KCTD8: variants seen among roughly 807,000 people sequenced by gnomAD.
The protein encoded by KCTD8 is potassium channel tetramerization domain containing 8.
KCTD8 carries 27 observed loss-of-function variants against 31.5 expected under a neutral mutation model. That is an observed-to-expected ratio of 0.86 (90% CI 0.63 to 1.18). The LOEUF (loss-of-function observed/expected upper bound fraction) is 1.18, where lower values mean the gene tolerates loss of function less well. KCTD8 is among the 50% of genes most tolerant of loss of function. The probability of loss-of-function intolerance (pLI) is 0.00; values close to 1 mark genes in which losing one functional copy is unlikely to be tolerated. For missense variants in KCTD8, 658 were observed against 647.7 expected (o/e 1.02, Z -0.17); for synonymous variants, 290 against 280.0 (o/e 1.04, Z -0.36).
intron 1 of KCTD8, among the ~76,000 whole-genome samples, chr4:44,216,055 T>C (rs1290098232): frequency 2.0e-5 from 3 of 152,170 alleles, no homozygotes; most frequent in Admixed American, 2.0e-4. Context: ...AGTAGCATAG[T>C]AGCAGGAAAT....
intron 1 of KCTD8, among the ~76,000 whole-genome samples, chr4:44,347,082 A>G (rs1719054922): frequency 6.6e-6 from 1 of 152,166 alleles, no homozygotes; most frequent in African/African-American, 2.4e-5. Flanking sequence ...TGGGGGTGTA[A>G]GCAGAGACTG....
intron 1 of KCTD8, among the ~76,000 whole-genome samples, chr4:44,236,276 T>C (rs1350585080): frequency 1.3e-5 from 2 of 152,114 alleles, no homozygotes; most frequent in Non-Finnish European, 2.9e-5. Flanking sequence ...AAATGGAGCA[T>C]AGTTGATATT....
At chr4:44,423,770 T>TA (rs5857957) in intron 1 of KCTD8, among the ~76,000 whole-genome samples, 1 of 151,968 alleles carries the variant, frequency 6.6e-6, no homozygotes, top group Non-Finnish European at 1.5e-5. Context: ...TCTTAAAACA[T>TA]AAAAAAAGAA....
At chr4:44,281,984 T>C (rs1203898213) in intron 1 of KCTD8, among the ~76,000 whole-genome samples, 1 of 152,086 alleles carries the variant, frequency 6.6e-6, no homozygotes, top group Non-Finnish European at 1.5e-5. Flanking sequence ...TGTTAATAAA[T>C]ATTCTAAAAT....
At chr4:44,182,650 C>G (rs752883579) in intron 1 of KCTD8, among the ~76,000 whole-genome samples, 1 of 152,130 alleles carries the variant, frequency 6.6e-6, no homozygotes, top group East Asian at 1.9e-4. Flanking sequence ...ACAAACACTG[C>G]GGAAGGCCAC....
chr4:44,301,476 A>G (rs2109392669), intron 1 of KCTD8, among the ~76,000 whole-genome samples: 1 of 152,306 alleles, frequency 6.6e-6, no homozygotes, highest in Middle Eastern at 3.4e-3. Context: ...AGTGATGATG[A>G]GCATTTTTTC....
rs1052153831 is a variant in KCTD8 at position 44,447,798 on chromosome 4, C to A, written c.726G>T (p.Ala242=). ...VARIMVCGRI[A]LAKEVFGDTL... ...TGTCCCCGAAGACCTCCTTGGCCAG[C>A]GCGATGCGCCCGCACACCATGATGC... The change falls in exon 1 of 2, where the codon GCG becomes GCT. Residue 242 remains alanine (A), a synonymous_variant. Coordinates refer to ENST00000360029, the MANE Select transcript of KCTD8 (RefSeq NM_198353.3). 6.2e-7 allele frequency: 1 copy of A among 1,605,986 alleles called. No homozygotes were observed.
intron 1 of KCTD8, among the ~76,000 whole-genome samples, chr4:44,322,248 C>T (rs78440288): frequency 6.6e-6 from 1 of 151,988 alleles, no homozygotes; most frequent in Admixed American, 6.6e-5. Context: ...TCTCCACATC[C>T]TTGCTAGCAT....
chr4:44,210,517 T>G (rs2109343336), intron 1 of KCTD8, among the ~76,000 whole-genome samples: 1 of 152,326 alleles, frequency 6.6e-6, no homozygotes. Flanking sequence ...TTCATTCTTT[T>G]TGTCTGCCTC....
At chr4:44,207,726 T>C (rs1315607563) in intron 1 of KCTD8, among the ~76,000 whole-genome samples, 1 of 152,218 alleles carries the variant, frequency 6.6e-6, no homozygotes, top group Non-Finnish European at 1.5e-5. Flanking sequence ...TGGGGAACCC[T>C]GCCAGTATAT....
At chr4:44,246,494 C>A (rs1196477660) in intron 1 of KCTD8, among the ~76,000 whole-genome samples, 1 of 151,972 alleles carries the variant, frequency 6.6e-6, no homozygotes, top group South Asian at 2.1e-4. Context: ...TATCCTCTTT[C>A]AAGATAAAGG....
chr4:44,271,956 C>T (rs890046076), intron 1 of KCTD8, among the ~76,000 whole-genome samples: 13 of 151,852 alleles, frequency 8.6e-5, no homozygotes, highest in Non-Finnish European at 1.2e-4. Flanking sequence ...GTTAGGGTCT[C>T]CCCAACCAAG....
chr4:44,412,995 C>A (rs1577661447), intron 1 of KCTD8, among the ~76,000 whole-genome samples: 1 of 152,020 alleles, frequency 6.6e-6, no homozygotes, highest in African/African-American at 2.4e-5. Context: ...CAATTCAGGA[C>A]CTGTGAGATG....
intron 1 of KCTD8, among the ~76,000 whole-genome samples, chr4:44,440,532 C>T (rs1403071414): frequency 1.3e-5 from 2 of 152,094 alleles, no homozygotes; most frequent in African/African-American, 4.8e-5. Flanking sequence ...ATGTCTTACC[C>T]ACGCTTTAGC....
intron 1 of KCTD8, among the ~76,000 whole-genome samples, chr4:44,320,119 C>G (rs558447538): frequency 7.7e-6 from 1 of 130,370 alleles, no homozygotes; most frequent in South Asian, 2.5e-4. Flanking sequence ...TTGCAGTGAG[C>G]CAAGATGGCT....
intron 1 of KCTD8, among the ~76,000 whole-genome samples, chr4:44,229,816 A>AT (rs1011439094): frequency 2.1e-4 from 30 of 145,132 alleles, no homozygotes; most frequent in African/African-American, 5.3e-4. Flanking sequence ...TGCCTTAAGG[A>AT]TTTTTTTTTC....
intron 1 of KCTD8, among the ~76,000 whole-genome samples, chr4:44,311,309 G>GT (rs1395297158): frequency 6.6e-6 from 1 of 151,954 alleles, no homozygotes; most frequent in Non-Finnish European, 1.5e-5. Flanking sequence ...CTTCCACGGT[G>GT]TTGCCTTCCT....
At chr4:44,214,474 C>G (rs1714589511) in intron 1 of KCTD8, among the ~76,000 whole-genome samples, 1 of 152,132 alleles carries the variant, frequency 6.6e-6, no homozygotes, top group South Asian at 2.1e-4. Context: ...CCTGTACATA[C>G]AGTAATAAGA....
rs552972999 is a variant in KCTD8 at position 44,419,120 on chromosome 4, T to C, written c.961+28443A>G. ...TTCCAAATCTCCAAATAAAAACATA[T>C]AGAGTCACTAGGTAGCAAACCCCAA... On this transcript the variant is annotated intron_variant, in intron 1 of 1. Coordinates refer to ENST00000360029, the MANE Select transcript of KCTD8 (RefSeq NM_198353.3). Among the ~76,000 whole-genome samples the C allele has an allele frequency of 2.0e-5, 3 of 152,234 alleles. No homozygotes were observed. In the East Asian group the frequency reaches 5.8e-4, roughly 29 times the overall value.
Sources: gnomAD v4.1 joint callset for allele counts (sites outside exome capture counted in the v4.1 genomes callset) on GRCh38, gnomAD v4.1.1 for gene constraint, MANE v1.5 for transcripts, NCBI Gene and HGNC (gene_info 2026-07-23, HGNC 2026-07-21) for gene names.